Variants in DHRSX observed in about 807,000 individuals in gnomAD.
DHRSX encodes polyprenol dehydrogenase.
In DHRSX, 31 loss-of-function variants were observed where a neutral mutation model predicts 34.0. The observed-to-expected ratio is 0.91, with a 90% CI of 0.69 to 1.23. The LOEUF (loss-of-function observed/expected upper bound fraction) is 1.23. Among genes scored for constraint, DHRSX ranks in the 50% most tolerant of loss-of-function variants. The pLI, the probability that DHRSX is intolerant of heterozygous loss-of-function variation, is 0.00. For missense variants in DHRSX, 414 were observed against 428.1 expected (o/e 0.97, Z 0.29); for synonymous variants, 201 against 183.8 (o/e 1.09, Z -0.76).
At chrX:2,450,989 A>C (rs1425921510) in intron 1 of DHRSX, among the ~76,000 whole-genome samples, 1 of 151,994 alleles carries the variant, frequency 6.6e-6, no homozygotes, top group African/African-American at 2.4e-5. Flanking sequence ...ATCATCTATG[A>C]ACCAGGAAGT....
At chrX:2,476,199 C>T (rs1246556994) in intron 1 of DHRSX, among the ~76,000 whole-genome samples, 1 of 151,906 alleles carries the variant, frequency 6.6e-6, no homozygotes, top group Non-Finnish European at 1.5e-5. Context: ...ACCGGCCAGG[C>T]CAACATGGTG....
chrX:2,298,216 G>A lies in DHRSX; in HGVS notation c.287-6613C>T, dbSNP rs140676032. On this transcript the variant is annotated intron_variant, in intron 3 of 6. Coordinates refer to ENST00000334651, the MANE Select transcript of DHRSX (RefSeq NM_145177.3). ...GGCCAAAAGGATCCTCCCCTAGAGC[G>A]TCTGGATGGAGCTCAGCCCTGAGAC... Among the ~76,000 whole-genome samples the A allele has an allele frequency of 5.0e-3, 758 of 152,002 alleles. 8 individuals carry two copies. The highest frequency in any genetic ancestry group is 0.017 in the African/African-American group (700 of 41,468).
In DHRSX at chrX:2,313,005, TA is replaced by T. The variant is rs2042181926; in HGVS notation, c.287-21403del. ...CCCTCGGGCCCAGCTTCAAGATATA[TA>T]TTTTTTTTTTTTTGAGATGGAGTTT... On this transcript the variant is annotated intron_variant, in intron 3 of 6. Transcript: ENST00000334651. 3.1e-5 allele frequency among the ~76,000 whole-genome samples: 3 copies of T among 96,542 alleles called. No homozygotes were observed. The South Asian group carries it at 8.8e-4, about 28-fold the overall frequency. The allele number at this position is 96,542 out of a possible 152,430, so 63.3% of individuals were successfully genotyped here. A position where few individuals can be genotyped will look rare whatever the true frequency, so the allele number is the denominator to read the frequency against.
chrX:2,367,965 A>G (rs1218595531), intron 3 of DHRSX, among the ~76,000 whole-genome samples: 1 of 152,170 alleles, frequency 6.6e-6, no homozygotes, highest in Non-Finnish European at 1.5e-5. Flanking sequence ...TTTTGAGGCC[A>G]GGCACGGAGG....
intron 3 of DHRSX, among the ~76,000 whole-genome samples, chrX:2,360,446 G>C (rs2042917195): frequency 6.6e-6 from 1 of 152,088 alleles, no homozygotes; most frequent in African/African-American, 2.4e-5. Flanking sequence ...AGCCAGGTGT[G>C]GTGGTGCGTG....
chrX:2,345,726 G>C (rs2042700099), intron 3 of DHRSX, among the ~76,000 whole-genome samples: 1 of 151,892 alleles, frequency 6.6e-6, no homozygotes, highest in South Asian at 2.1e-4. Context: ...ATGGTGGGTG[G>C]GCCTGGTCCA....
chrX:2,484,747 G>T lies in DHRSX; in HGVS notation c.109+16070C>A, dbSNP rs138133621. ...GGGCGGCGGGCCTGAGATCACAGAG[G>T]GGAAAACAGTAGAACTGCTGCCCAA... is the stretch of plus-strand genomic sequence containing the variant. On this transcript the variant is annotated intron_variant, in intron 1 of 6. Transcript: ENST00000334651. Among the ~76,000 whole-genome samples the T allele has an allele frequency of 2.9e-3, 437 of 152,152 alleles. 2 individuals are homozygous for T. The highest frequency in any genetic ancestry group is 9.8e-3 in the African/African-American group (408 of 41,510).
chrX:2,474,272 C>T (rs1338483518), intron 1 of DHRSX, among the ~76,000 whole-genome samples: 2 of 151,946 alleles, frequency 1.3e-5, no homozygotes. Context: ...GGCCAAGGGA[C>T]CATCGCCATG....
intron 1 of DHRSX, among the ~76,000 whole-genome samples, chrX:2,452,860 G>C (rs773578173): frequency 2.0e-5 from 3 of 152,236 alleles, no homozygotes; most frequent in African/African-American, 4.8e-5. Flanking sequence ...TCAGAGGAAA[G>C]AATGGTGTAC....
chrX:2,287,541 C>T (rs1210384138), intron 4 of DHRSX, among the ~76,000 whole-genome samples: 17 of 150,876 alleles, frequency 1.1e-4, no homozygotes, highest in South Asian at 1.0e-3. Context: ...ATAATGGCCC[C>T]GAAGATGTCC....
intron 3 of DHRSX, among the ~76,000 whole-genome samples, chrX:2,384,502 T>C (rs1311825785): frequency 1.3e-5 from 2 of 152,066 alleles, no homozygotes; most frequent in African/African-American, 4.8e-5. Flanking sequence ...AGGGTAGGTC[T>C]TGGAGAAAGC....
intron 4 of DHRSX, among the ~76,000 whole-genome samples, chrX:2,288,830 C>T (rs1426102429): frequency 6.6e-6 from 1 of 152,234 alleles, no homozygotes; most frequent in Non-Finnish European, 1.5e-5. Context: ...TCAAATTCAA[C>T]CCTGTCCCAG....
At chrX:2,294,463 G>A (rs776218215) in intron 3 of DHRSX, among the ~76,000 whole-genome samples, 7 of 152,130 alleles carry the variant, frequency 4.6e-5, no homozygotes, top group African/African-American at 1.2e-4. Flanking sequence ...TCAGGAGTTC[G>A]AGACCAGCCT....
chrX:2,478,958 G>A (rs1476431904), intron 1 of DHRSX, among the ~76,000 whole-genome samples: 2 of 151,760 alleles, frequency 1.3e-5, no homozygotes, highest in African/African-American at 4.8e-5. Context: ...TGCAGCCAAG[G>A]CAAGGCACTG....
intron 3 of DHRSX, among the ~76,000 whole-genome samples, chrX:2,310,791 A>G (rs1262929002): frequency 6.6e-6 from 1 of 151,850 alleles, no homozygotes; most frequent in African/African-American, 2.4e-5. Flanking sequence ...AGACAGATAC[A>G]GGCTCACACC....
chrX:2,485,748 AGGGAAGGAAGG>A (rs2044887448), intron 1 of DHRSX, among the ~76,000 whole-genome samples: 1 of 73,332 alleles, frequency 1.4e-5, no homozygotes, highest in African/African-American at 7.7e-5. Flanking sequence ...GAGAGAAGGG[AGGGAAGGAAGG>A]GAGAGAAGGA....
chrX:2,465,417 T>A (rs2044477707), intron 1 of DHRSX, among the ~76,000 whole-genome samples: 1 of 152,114 alleles, frequency 6.6e-6, no homozygotes, highest in Admixed American at 6.6e-5. Context: ...AAGACCTGTT[T>A]AGCATACAAA....
At chrX:2,311,124 A>G (rs1401806570) in intron 3 of DHRSX, among the ~76,000 whole-genome samples, 7 of 151,514 alleles carry the variant, frequency 4.6e-5, no homozygotes, top group Non-Finnish European at 8.8e-5. Context: ...AGAGAGAATA[A>G]GCGAGAGACA....
intron 5 of DHRSX, among the ~76,000 whole-genome samples, chrX:2,259,686 C>T (rs1222810442): frequency 1.3e-5 from 2 of 152,118 alleles, no homozygotes; most frequent in African/African-American, 2.4e-5. Flanking sequence ...TCTCTCTGGA[C>T]GGTCTTCTAG....
Sources: allele counts gnomAD v4.1 joint callset (sites outside exome capture counted in the v4.1 genomes callset), GRCh38; gene constraint gnomAD v4.1.1; transcripts MANE v1.5; gene names NCBI Gene and HGNC (gene_info 2026-07-23, HGNC 2026-07-21).